MYO1D: variants seen among roughly 807,000 people sequenced by gnomAD.
MYO1D encodes unconventional myosin-Id.
In MYO1D, 83 loss-of-function variants were observed where a neutral mutation model predicts 122.0. The ratio of observed to expected loss-of-function variants is 0.68; its 90% CI spans 0.57 to 0.82. MYO1D has a LOEUF of 0.82. Ranked by LOEUF, MYO1D falls within the 40% of genes least tolerant of loss-of-function variation. The pLI is 0.00. For missense variants in MYO1D, 1,157 were observed against 1,269.5 expected (o/e 0.91, Z 1.35); for synonymous variants, 464 against 446.9 (o/e 1.04, Z -0.48).
Position 32,737,748 on chromosome 17 carries a change from A to G in MYO1D, c.1746+505T>C, listed in dbSNP as rs546722220. ...CCCAAAGTGCTGGGATTACAGGCAT[A>G]AGCCACAACACCCAGGCCAATACGT... is the stretch of plus-strand genomic sequence containing the variant. On this transcript the variant is annotated intron_variant, in intron 14 of 21. Transcript: ENST00000318217. Among the ~76,000 whole-genome samples the G allele has an allele frequency of 5.9e-5, 9 of 152,304 alleles. No individual in the cohort carries two copies. In the South Asian group the frequency reaches 1.4e-3, roughly 25 times the overall value.
chr17:32,514,070 C>G (rs796625771), intron 21 of MYO1D, among the ~76,000 whole-genome samples: 2 of 151,586 alleles, frequency 1.3e-5, no homozygotes, highest in African/African-American at 4.9e-5. Context: ...AGTGAAACTC[C>G]GTCTCTACTA....
intron 1 of MYO1D, among the ~76,000 whole-genome samples, chr17:32,795,769 G>A (rs1053965342): frequency 2.0e-5 from 3 of 152,124 alleles, no homozygotes; most frequent in Non-Finnish European, 4.4e-5. Context: ...CTGAAGACAA[G>A]TACTCCTAAA....
At chr17:32,523,959 G>C in intron 21 of MYO1D, among the ~76,000 whole-genome samples, 1 of 152,130 alleles carries the variant, frequency 6.6e-6, no homozygotes, top group Admixed American at 6.5e-5. Context: ...TTTTCATACA[G>C]ACTTTGTGAA....
At chr17:32,756,301 C>T (rs943444289) in intron 10 of MYO1D, 1 of 226,110 alleles carries the variant, frequency 4.4e-6, no homozygotes, top group African/African-American at 2.2e-5. Context: ...GCAGAGTTGC[C>T]TTCTACCTGC....
At chr17:32,687,213 C>CAG (rs1225363524) in intron 16 of MYO1D, among the ~76,000 whole-genome samples, 1 of 82,242 alleles carries the variant, frequency 1.2e-5, no homozygotes, top group Non-Finnish European at 2.4e-5. Context: ...TTTTTTTTTT[C>CAG]TGAGACAGAG....
chr17:32,578,208 G>T (rs1189441395), intron 21 of MYO1D, among the ~76,000 whole-genome samples: 1 of 152,190 alleles, frequency 6.6e-6, no homozygotes, highest in Non-Finnish European at 1.5e-5. Context: ...CTTTGTTAAT[G>T]GTCCTAAGTT....
At chr17:32,578,653 T>C (rs2087300147) in intron 21 of MYO1D, among the ~76,000 whole-genome samples, 1 of 152,244 alleles carries the variant, frequency 6.6e-6, no homozygotes, top group Admixed American at 6.5e-5. Context: ...GCAATTTGGC[T>C]TTTACCCTCA....
At chr17:32,582,565 C>T (rs2087352182) in intron 21 of MYO1D, among the ~76,000 whole-genome samples, 1 of 152,044 alleles carries the variant, frequency 6.6e-6, no homozygotes, top group Non-Finnish European at 1.5e-5. Flanking sequence ...TGACATGACC[C>T]AGAATATGGT....
intron 12 of MYO1D, among the ~76,000 whole-genome samples, chr17:32,746,072 CTT>C (rs2089834822): frequency 6.6e-6 from 1 of 152,208 alleles, no homozygotes; most frequent in African/African-American, 2.4e-5. Flanking sequence ...TGTTTTCTCT[CTT>C]GACAATCAGA....
intron 15 of MYO1D, among the ~76,000 whole-genome samples, chr17:32,717,729 C>A (rs80155999): frequency 0.022 from 3,402 of 152,272 alleles, 120 homozygotes; most frequent in African/African-American, 0.078. Context: ...CAGATGTCAG[C>A]GTGATTCTCA....
Position 32,494,566 on chromosome 17 carries a change from A to G in MYO1D, c.*193T>C. The G allele has an allele frequency of 1.4e-6, 1 of 705,022 alleles. No individual in the cohort carries two copies. The highest frequency in any genetic ancestry group is 2.8e-5 in the East Asian group (1 of 35,810). 43.7% of individuals were successfully genotyped at this position (705,022 alleles called of 1,614,324 possible). A position where few individuals can be genotyped will look rare whatever the true frequency, so the allele number is the denominator to read the frequency against. On this transcript the variant is annotated 3_prime_UTR_variant, in exon 22 of 22. Transcript: ENST00000318217. ...AGGGTCTTTGGCTTATTGAACAGGG[A>G]CCGTGGACAGTAAGGACAGAGGAAG...
intron 1 of MYO1D, among the ~76,000 whole-genome samples, chr17:32,848,696 G>C (rs1263272035): frequency 6.6e-6 from 1 of 152,126 alleles, no homozygotes; most frequent in Non-Finnish European, 1.5e-5. Flanking sequence ...TTTCTGTGGG[G>C]TATCAGTCCC....
At chr17:32,640,135 C>T (rs531875441) in intron 19 of MYO1D, among the ~76,000 whole-genome samples, 10 of 152,148 alleles carry the variant, frequency 6.6e-5, no homozygotes, top group African/African-American at 2.4e-4. Flanking sequence ...ACATTTTTTT[C>T]AGTCTTCAAC....
At chr17:32,713,516 T>C (rs1302479768) in intron 15 of MYO1D, among the ~76,000 whole-genome samples, 1 of 152,200 alleles carries the variant, frequency 6.6e-6, no homozygotes, top group Non-Finnish European at 1.5e-5. Flanking sequence ...TTTTTCCAAA[T>C]GAACTTCAGA....
intron 21 of MYO1D, among the ~76,000 whole-genome samples, chr17:32,574,074 G>T (rs926202009): frequency 1.3e-5 from 2 of 151,050 alleles, no homozygotes; most frequent in South Asian, 4.2e-4. Flanking sequence ...GGATGGTCTC[G>T]ATCTCCTGAC....
At chr17:32,638,492 A>C (rs2088139271) in intron 20 of MYO1D, among the ~76,000 whole-genome samples, 1 of 152,250 alleles carries the variant, frequency 6.6e-6, no homozygotes, top group South Asian at 2.1e-4. Context: ...GAAAGATCAC[A>C]AAGAATCAGT....
At chr17:32,604,940 C>T (rs1201213264) in intron 21 of MYO1D, 147 bp downstream of exon 21, 4 of 733,642 alleles carry the variant, frequency 5.5e-6, no homozygotes, top group Non-Finnish European at 8.0e-6. Context: ...GCTAATTTTA[C>T]CTTCTGCGAA....
At chr17:32,596,412 T>C (rs2087493387) in intron 21 of MYO1D, among the ~76,000 whole-genome samples, 1 of 152,134 alleles carries the variant, frequency 6.6e-6, no homozygotes, top group East Asian at 1.9e-4. Flanking sequence ...GGTGGCCCCA[T>C]CCTCTGCCTC....
chr17:32,681,134 TTC>T (rs937686094), intron 16 of MYO1D, among the ~76,000 whole-genome samples: 7 of 152,050 alleles, frequency 4.6e-5, no homozygotes, highest in Non-Finnish European at 8.8e-5. Context: ...TATTTGATTC[TTC>T]TCTCTTTTTT....
Sources: allele counts gnomAD v4.1 joint callset (sites outside exome capture counted in the v4.1 genomes callset), GRCh38; gene constraint gnomAD v4.1.1; transcripts MANE v1.5; gene names NCBI Gene and HGNC (gene_info 2026-07-23, HGNC 2026-07-21).